The following HMCN1 variants were observed in gnomAD, a reference collection of about 807,000 sequenced individuals.
HMCN1 encodes the protein hemicentin 1.
Under a neutral mutation model 625.9 loss-of-function variants are expected in HMCN1, and 321 were observed. The observed-to-expected ratio is 0.51, with a 90% CI of 0.47 to 0.56. The LOEUF is 0.56. Ranked by LOEUF, HMCN1 falls within the 20% of genes least tolerant of loss-of-function variation. HMCN1 has a pLI of 0.00. For synonymous variants in HMCN1, 2,425 were observed against 2,417.6 expected (o/e 1.00, Z -0.09); for missense variants, 6,588 against 6,887.3 (o/e 0.96, Z 1.54).
At chr1:186,105,095 G>T (rs1660551637) in intron 69 of HMCN1, among the ~76,000 whole-genome samples, 1 of 152,186 alleles carries the variant, frequency 6.6e-6, no homozygotes, top group African/African-American at 2.4e-5. Context: ...ATGATGGCCA[G>T]ATTTACCATG....
In HMCN1 at chr1:185,911,683, T is replaced by C. The variant is rs765400844; in HGVS notation, c.803T>C (p.Ile268Thr). ...ATGTTCTGTCTTTCAGGGAAGCTGA[T>C]AAAAAAGGGATTTGGCCTGCATGAG... ...IEIRNPLGKL[I>T]KKGFGLHELL... Residue 268 changes from isoleucine (I) to threonine (T), a missense_variant, in exon 6 of 107, where the codon ATA becomes ACA. Ile to Thr is a moderately conservative substitution (Grantham distance 89). Around this residue, in one of 3 missense-constraint regions of HMCN1, gnomAD observed 4,628 missense variants for 4,853.1 expected, o/e 0.95. Coordinates refer to ENST00000271588, the MANE Select transcript of HMCN1 (RefSeq NM_031935.3). 16 of 1,610,618 alleles carry C rather than the reference T, an allele frequency of 9.9e-6. No individual in the cohort carries two copies. Among genetic ancestry groups the C allele is most frequent in the Non-Finnish European group, 1.4e-5 (16 of 1,177,106 alleles).
intron 55 of HMCN1, among the ~76,000 whole-genome samples, chr1:186,079,548 A>C (rs1037282216): frequency 5.9e-5 from 9 of 152,114 alleles, no homozygotes; most frequent in African/African-American, 2.2e-4. Flanking sequence ...CCTGCGCATC[A>C]ATCCCACTGA....
chr1:185,873,815 T>C (rs971499643), intron 4 of HMCN1, among the ~76,000 whole-genome samples: 1 of 152,046 alleles, frequency 6.6e-6, no homozygotes, highest in Non-Finnish European at 1.5e-5. Context: ...ATAATGATAA[T>C]TGAATAATTT....
Position 186,067,825 on chromosome 1 carries a change from C to T in HMCN1, c.7706-9C>T, listed in dbSNP as rs749678564. The T allele has an allele frequency of 6.2e-7, 1 of 1,600,004 alleles. No homozygotes were observed. The highest frequency in any genetic ancestry group is 8.6e-7 in the Non-Finnish European group (1 of 1,167,572). ...ATATATTTCTTCAACAAATTTTCAT[C>T]TTTTTCAGTATCTCCTACAATTGCT... On this transcript the variant is annotated splice_polypyrimidine_tract_variant and intron_variant, in intron 49 of 106. Transcript: ENST00000271588.
At chr1:185,797,689 G>A (rs147411646) in intron 1 of HMCN1, among the ~76,000 whole-genome samples, 1,576 of 129,748 alleles carry the variant, frequency 0.012, 326 homozygotes, top group African/African-American at 0.07. Context: ...TGTTTTGGCC[G>A]GGCGCGGTGG....
At chr1:186,051,541 G>T (rs920727696) in intron 42 of HMCN1, among the ~76,000 whole-genome samples, 2 of 151,980 alleles carry the variant, frequency 1.3e-5, no homozygotes, top group African/African-American at 2.4e-5. Flanking sequence ...GGGTAGAGAA[G>T]GGTAGAGTTT....
chr1:186,139,026 T>C (rs141396768), intron 89 of HMCN1, among the ~76,000 whole-genome samples: 26 of 152,300 alleles, frequency 1.7e-4, no homozygotes, highest in African/African-American at 6.3e-4. Flanking sequence ...ACTCAGAGAC[T>C]TGAAATGATG....
chr1:185,819,406 T>C (rs1281133400), intron 1 of HMCN1, among the ~76,000 whole-genome samples: 1 of 152,210 alleles, frequency 6.6e-6, no homozygotes. Context: ...GCTACTCTTT[T>C]CCCTCTTTTG....
chr1:185,993,691 T>C (rs1220059754), intron 23 of HMCN1, among the ~76,000 whole-genome samples: 1 of 152,168 alleles, frequency 6.6e-6, no homozygotes, highest in African/African-American at 2.4e-5. Flanking sequence ...TAATTTTCAA[T>C]ATTTAAAGAT....
intron 4 of HMCN1, among the ~76,000 whole-genome samples, chr1:185,886,622 A>G (rs1664669060): frequency 6.6e-6 from 1 of 152,084 alleles, no homozygotes. Context: ...TGTTTACCAC[A>G]TCAAATTTAG....
At chr1:186,146,536 T>C (rs977326805) in intron 93 of HMCN1, among the ~76,000 whole-genome samples, 3 of 152,182 alleles carry the variant, frequency 2.0e-5, no homozygotes, top group Non-Finnish European at 2.9e-5. Context: ...TTTTATATTG[T>C]TGAAGTGTCA....
intron 6 of HMCN1, among the ~76,000 whole-genome samples, chr1:185,922,026 C>T (rs1334234497): frequency 2.6e-5 from 4 of 152,146 alleles, no homozygotes; most frequent in African/African-American, 4.8e-5. Flanking sequence ...TCAATATTTG[C>T]TAAACATCTA....
chr1:185,864,872 T>C (rs149540580), intron 3 of HMCN1, among the ~76,000 whole-genome samples: 135 of 152,352 alleles, frequency 8.9e-4, no homozygotes, highest in African/African-American at 3.1e-3. Flanking sequence ...TTAATTAAGG[T>C]ACTTGTTATC....
At chr1:185,983,420 C>T (rs6659282) in intron 18 of HMCN1, among the ~76,000 whole-genome samples, 4,292 of 151,016 alleles carry the variant, frequency 0.028, 199 homozygotes, top group African/African-American at 0.1. Flanking sequence ...AGCAAGACTC[C>T]GTCTCAAAAA....
chr1:185,839,168 A>G (rs1369151754), intron 1 of HMCN1, among the ~76,000 whole-genome samples: 2 of 152,170 alleles, frequency 1.3e-5, no homozygotes, highest in African/African-American at 4.8e-5. Context: ...TTCTTCATCA[A>G]CATTTTACCT....
intron 2 of HMCN1, among the ~76,000 whole-genome samples, chr1:185,846,431 G>A (rs1011531912): frequency 3.9e-5 from 6 of 152,148 alleles, no homozygotes; most frequent in Non-Finnish European, 5.9e-5. Flanking sequence ...AGAAATATAA[G>A]GAACGGTTAA....
chr1:185,802,927 G>A (rs913040835), intron 1 of HMCN1, among the ~76,000 whole-genome samples: 1 of 151,924 alleles, frequency 6.6e-6, no homozygotes, highest in Non-Finnish European at 1.5e-5. Flanking sequence ...ATAAATTGTA[G>A]AAACTTGAAA....
chr1:185,813,717 A>T (rs1387084136), intron 1 of HMCN1, among the ~76,000 whole-genome samples: 1 of 152,192 alleles, frequency 6.6e-6, no homozygotes, highest in Non-Finnish European at 1.5e-5. Context: ...TGCATGTAAT[A>T]TAACCATAGT....
intron 41 of HMCN1, among the ~76,000 whole-genome samples, chr1:186,048,459 G>A (rs1313557453): frequency 6.6e-6 from 1 of 151,994 alleles, no homozygotes; most frequent in African/African-American, 2.4e-5. Flanking sequence ...ATCAGAAATT[G>A]TACCTTTTCG....
Sources: allele counts gnomAD v4.1 joint callset (sites outside exome capture counted in the v4.1 genomes callset), GRCh38; gene constraint gnomAD v4.1.1; regional missense constraint gnomAD v4.1.1; transcripts MANE v1.5; gene names NCBI Gene and HGNC (gene_info 2026-07-23, HGNC 2026-07-21).